TLL2: variants seen among roughly 807,000 people sequenced by gnomAD.
The protein encoded by TLL2 is tolloid like 2.
In TLL2, 106 loss-of-function variants were observed where a neutral mutation model predicts 123.0. That is an observed-to-expected ratio of 0.86 (90% CI 0.74 to 1.01). The LOEUF (loss-of-function observed/expected upper bound fraction) is 1.01, where lower values mean the gene tolerates loss of function less well. Ranked by LOEUF, TLL2 falls within the 50% of genes least tolerant of loss-of-function variation. The pLI, the probability that TLL2 is intolerant of heterozygous loss-of-function variation, is 0.00. For missense variants in TLL2, 1,332 were observed against 1,336.7 expected, an observed-to-expected ratio of 1.00 and a Z score of 0.06; for synonymous variants, 494 against 516.8, an observed-to-expected ratio of 0.96 and a Z score of 0.60.
chr10:96,373,582 C>T lies in TLL2; in HGVS notation c.2662+14G>A. The stretch of plus-strand genomic sequence containing the variant: ...GTGCTCATCAGGTGGAAGCCAGTGT[C>T]CCACCCCAGGTACCTGTGCTGTGCA... On this transcript the variant is annotated intron_variant, in intron 19 of 20. Coordinates refer to ENST00000357947, the MANE Select transcript of TLL2 (RefSeq NM_012465.4). The T allele has an allele frequency of 6.2e-7, 1 of 1,610,724 alleles. No individual in the cohort carries two copies. Among genetic ancestry groups the T allele is most frequent in the Non-Finnish European group, 8.5e-7 (1 of 1,176,954 alleles).
At chr10:96,469,011 T>C (rs1316586220) in intron 2 of TLL2, among the ~76,000 whole-genome samples, 2 of 152,234 alleles carry the variant, frequency 1.3e-5, no homozygotes, top group African/African-American at 4.8e-5. Context: ...CTCCTTATCA[T>C]CTCAAATCAT....
chr10:96,437,705 G>A (rs1247092099), intron 3 of TLL2, among the ~76,000 whole-genome samples: 1 of 152,180 alleles, frequency 6.6e-6, no homozygotes, highest in Non-Finnish European at 1.5e-5. Flanking sequence ...ATTCCCTGGA[G>A]ATTCATCTAA....
At position 96,428,619 on chromosome 10, in the gene TLL2, T is replaced by C. The variant is rs765253081; in HGVS notation, c.638+12A>G. The C allele has an allele frequency of 1.9e-6, 3 of 1,590,350 alleles. No homozygotes were observed. Among genetic ancestry groups the C allele is most frequent in the Admixed American group, 1.7e-5 (1 of 59,510 alleles). On this transcript the variant is annotated intron_variant, in intron 5 of 20. Transcript: ENST00000357947. ...TGATTCTGCAGAGGTGGCCTCGCTT[T>C]CGTTTACTTACCCACAGGTTCTGTA...
intron 2 of TLL2, among the ~76,000 whole-genome samples, chr10:96,448,584 G>C (rs540088931): frequency 6.6e-6 from 1 of 152,276 alleles, no homozygotes; most frequent in South Asian, 2.1e-4. Flanking sequence ...CTTGGGATAT[G>C]ATGCAGAAGA....
At chr10:96,461,580 T>C (rs550983826) in intron 2 of TLL2, among the ~76,000 whole-genome samples, 1 of 152,304 alleles carries the variant, frequency 6.6e-6, no homozygotes, top group East Asian at 1.9e-4. Flanking sequence ...TGCTGCTCAG[T>C]TCTCACTGCC....
intron 8 of TLL2, chr10:96,410,709 T>C: frequency 6.6e-6 from 4 of 609,292 alleles, no homozygotes; most frequent in South Asian, 3.0e-5. Flanking sequence ...GGACTGAGCA[T>C]GGCCTAGAGG....
intron 1 of TLL2, among the ~76,000 whole-genome samples, chr10:96,494,350 C>T (rs1847449406): frequency 6.6e-6 from 1 of 152,236 alleles, no homozygotes; most frequent in Admixed American, 6.5e-5. Context: ...GCACTATCCC[C>T]AAGACTCTGT....
At chr10:96,411,172 G>T (rs1846501410) in intron 8 of TLL2, among the ~76,000 whole-genome samples, 1 of 151,186 alleles carries the variant, frequency 6.6e-6, no homozygotes, top group African/African-American at 2.4e-5. Flanking sequence ...GAGCCTGGGA[G>T]GCTGGGAGGT....
intron 2 of TLL2, among the ~76,000 whole-genome samples, chr10:96,474,334 A>G (rs951388432): frequency 6.6e-6 from 1 of 152,174 alleles, no homozygotes; most frequent in Non-Finnish European, 1.5e-5. Flanking sequence ...AATGTGGCCA[A>G]TTTTAATAGC....
chr10:96,426,125 C>A (rs1361441688), intron 5 of TLL2, among the ~76,000 whole-genome samples: 2 of 152,162 alleles, frequency 1.3e-5, no homozygotes, highest in Non-Finnish European at 2.9e-5. Context: ...TGCCTTTTAG[C>A]ATCTATTGAG....
At chr10:96,435,774 T>C (rs1246485454) in intron 3 of TLL2, among the ~76,000 whole-genome samples, 2 of 152,216 alleles carry the variant, frequency 1.3e-5, no homozygotes, top group African/African-American at 4.8e-5. Context: ...GGCCATCCTT[T>C]CCTAGCTTCT....
intron 3 of TLL2, among the ~76,000 whole-genome samples, chr10:96,442,168 G>A (rs1564908131): frequency 6.6e-6 from 1 of 152,280 alleles, no homozygotes; most frequent in South Asian, 2.1e-4. Flanking sequence ...TGTTGAGTGA[G>A]CATTTCAGCC....
chr10:96,409,735 C>T (rs983318491), intron 9 of TLL2, among the ~76,000 whole-genome samples: 11 of 152,308 alleles, frequency 7.2e-5, no homozygotes, highest in African/African-American at 2.4e-4. Context: ...CCACCCAGAG[C>T]TTGCCCAGGT....
chr10:96,405,352 A>G lies in TLL2; in HGVS notation c.1165-18T>C, dbSNP rs1461667371. The G allele has an allele frequency of 6.2e-7, 1 of 1,613,100 alleles. No homozygotes were observed. Among genetic ancestry groups the G allele is most frequent in the East Asian group, 2.2e-5 (1 of 44,880 alleles). On this transcript the variant is annotated intron_variant, in intron 9 of 20. Coordinates refer to ENST00000357947, the MANE Select transcript of TLL2 (RefSeq NM_012465.4). Reference sequence around the variant, plus strand: ...AATACGATCTGTAAAGAATTACCATAAAGTGAGTTTTGGCAGCAAAGCCTG... The same window carrying G: ...AATACGATCTGTAAAGAATTACCATGAAGTGAGTTTTGGCAGCAAAGCCTG...
rs545360059 is a variant in TLL2 at position 96,505,460 on chromosome 10, A to T, written c.175+8051T>A. 1.3e-4 allele frequency among the ~76,000 whole-genome samples: 20 copies of T among 152,364 alleles called. No individual in the cohort carries two copies. In the South Asian group the frequency reaches 3.9e-3, roughly 30 times the overall value. On this transcript the variant is annotated intron_variant, in intron 1 of 20. Coordinates refer to ENST00000357947, the MANE Select transcript of TLL2 (RefSeq NM_012465.4). ...ATTTCTGTGGGATGACAATAATTTT[A>T]AAAATAGTATTTACTGGATGCTTAC...
At chr10:96,370,722 A>G (rs1446482491) in intron 19 of TLL2, among the ~76,000 whole-genome samples, 1 of 152,194 alleles carries the variant, frequency 6.6e-6, no homozygotes, top group Non-Finnish European at 1.5e-5. Context: ...CACTCGCCCC[A>G]CCGACTGACT....
chr10:96,395,927 C>A lies in TLL2; in HGVS notation c.1478G>T (p.Arg493Met), dbSNP rs1321928482. The change falls in exon 12 of 21, where the codon AGG becomes ATG. Residue 493 changes from arginine to methionine, a missense_variant. Transcript: ENST00000357947. ...DYRPSKECVWRITVSEGFHVG... is the reference protein window; with the variant it reads ...DYRPSKECVWMITVSEGFHVG... ...GTGAAACCCCTCTGAAACCGTAATC[C>A]TCCAGACACATTCCTTGGAAGGTCT... is the stretch of plus-strand genomic sequence containing the variant. 6.2e-7 allele frequency: 1 copy of A among 1,614,202 alleles called. No individual in the cohort carries two copies. Among genetic ancestry groups the A allele is most frequent in the Admixed American group, 1.7e-5 (1 of 60,028 alleles).
intron 1 of TLL2, among the ~76,000 whole-genome samples, chr10:96,487,417 C>G (rs1564917441): frequency 6.6e-6 from 1 of 152,158 alleles, no homozygotes; most frequent in South Asian, 2.1e-4. Context: ...CACACTCTTT[C>G]CTTTCTCTGT....
intron 13 of TLL2, among the ~76,000 whole-genome samples, 181 bp from the exon 14 acceptor site, chr10:96,387,259 G>T (rs552228723): frequency 1.2e-4 from 18 of 152,216 alleles, no homozygotes; most frequent in Non-Finnish European, 2.4e-4. Context: ...TACAGTGAAG[G>T]CAGGACACTG....
Sources: allele counts gnomAD v4.1 joint callset (sites outside exome capture counted in the v4.1 genomes callset), GRCh38; gene constraint gnomAD v4.1.1; transcripts MANE v1.5; gene names NCBI Gene and HGNC (gene_info 2026-07-23, HGNC 2026-07-21).